The following DLEU7 variants were observed in gnomAD, a reference collection of about 807,000 sequenced individuals.
The protein encoded by DLEU7 is deleted in lymphocytic leukemia 7, also known as leukemia-associated protein 7.
DLEU7 carries 17 observed loss-of-function variants against 16.0 expected under a neutral mutation model. The observed-to-expected ratio is 1.06, with a 90% CI of 0.73 to 1.59. DLEU7 has a LOEUF of 1.59. Among genes scored for constraint, DLEU7 ranks in the 40% most tolerant of loss-of-function variants. The pLI is 0.00. For synonymous variants in DLEU7, 113 were observed against 139.8 expected (o/e 0.81, Z 1.35); for missense variants, 308 against 314.9 (o/e 0.98, Z 0.17).
chr13:50,792,600 T>C (rs955651102), intron 1 of DLEU7, among the ~76,000 whole-genome samples: 3 of 150,730 alleles, frequency 2.0e-5, no homozygotes, highest in African/African-American at 7.3e-5. Flanking sequence ...TTCACTTCTC[T>C]ATTCACTTCC....
At chr13:50,715,330 T>C (rs1210392950) in intron 1 of DLEU7, 1 of 152,266 alleles carries the variant, frequency 6.6e-6, no homozygotes, top group Admixed American at 6.5e-5. Context: ...AAAGTCCCTG[T>C]TGCCGTGTAA....
chr13:50,823,562 A>G lies in DLEU7; in HGVS notation c.460-42T>C, dbSNP rs757543266. 14 of 1,529,076 alleles carry G rather than the reference A, an allele frequency of 9.2e-6. No individual in the cohort carries two copies. The African/African-American group carries it at 1.8e-4, about 19-fold the overall frequency. 94.7% of individuals were successfully genotyped at this position (1,529,076 alleles called of 1,614,324 possible). On this transcript the variant is annotated intron_variant, in intron 1 of 1. Transcript: ENST00000504404. ...ACACAAACAAGAAATTAGATAGGTTATGGGGGCCAATTGTTGTACTTTGCT... is the reference window on the plus strand; with the variant it reads ...ACACAAACAAGAAATTAGATAGGTTGTGGGGGCCAATTGTTGTACTTTGCT...
rs576709508 is a variant in DLEU7, at chr13:50,752,852, C to T, written c.460-39612G>A. Among the ~76,000 whole-genome samples, 128 of 152,114 alleles carry T rather than the reference C, an allele frequency of 8.4e-4. 2 individuals carry two copies. In the Middle Eastern group the frequency reaches 0.017, roughly 20 times the overall value. Reference sequence around the variant, plus strand: ...TCCACAGTGTGGAAGGGGACCCAAGCGGGTTGCCACTGCTGGCTCAGGCAG... The same window carrying T: ...TCCACAGTGTGGAAGGGGACCCAAGTGGGTTGCCACTGCTGGCTCAGGCAG... On this transcript the variant is annotated intron_variant, in intron 1 of 1. Transcript: ENST00000400393.
intron 1 of DLEU7, among the ~76,000 whole-genome samples, chr13:50,722,418 C>G (rs1265463652): frequency 1.3e-5 from 2 of 152,184 alleles, no homozygotes; most frequent in African/African-American, 4.8e-5. Flanking sequence ...AACAAATCCT[C>G]AAGTCAATAA....
intron 1 of DLEU7, among the ~76,000 whole-genome samples, chr13:50,756,315 G>A (rs1874756617): frequency 6.6e-6 from 1 of 152,174 alleles, no homozygotes; most frequent in Admixed American, 6.5e-5. Flanking sequence ...CTGCCAGAGT[G>A]AATAGGGAAG....
chr13:50,769,012 G>C (rs1875208084), intron 1 of DLEU7, among the ~76,000 whole-genome samples: 1 of 152,178 alleles, frequency 6.6e-6, no homozygotes, highest in Admixed American at 6.5e-5. Flanking sequence ...CTGTGGTTTT[G>C]ATTTGCATTT....
At chr13:50,747,506 GCT>G (rs1874437149) in intron 1 of DLEU7, among the ~76,000 whole-genome samples, 1 of 152,000 alleles carries the variant, frequency 6.6e-6, no homozygotes, top group South Asian at 2.1e-4. Context: ...CTGTGCAGAT[GCT>G]CTCTCTCCCT....
At chr13:50,808,262 T>C (rs1184315460) in intron 1 of DLEU7, among the ~76,000 whole-genome samples, 1 of 152,144 alleles carries the variant, frequency 6.6e-6, no homozygotes, top group Non-Finnish European at 1.5e-5. Context: ...CAATATCAAG[T>C]CTGGCATATC....
chr13:50,719,603 A>G (rs1033744565), intron 1 of DLEU7: 2 of 149,674 alleles, frequency 1.3e-5, no homozygotes, highest in African/African-American at 4.8e-5. Flanking sequence ...CCCACCTTGA[A>G]CAGACGGGAA....
chr13:50,735,486 T>G (rs910603843), intron 1 of DLEU7, among the ~76,000 whole-genome samples: 1 of 151,884 alleles, frequency 6.6e-6, no homozygotes, highest in Admixed American at 6.6e-5. Flanking sequence ...ATCAACAAGA[T>G]AGAAAACCCC....
chr13:50,842,123 T>C (rs1009752835), intron 1 of DLEU7, among the ~76,000 whole-genome samples: 2 of 151,928 alleles, frequency 1.3e-5, no homozygotes, highest in African/African-American at 2.4e-5. Context: ...AGTACAGAGA[T>C]TGAGAAACCC....
intron 1 of DLEU7, among the ~76,000 whole-genome samples, chr13:50,729,111 T>C (rs1200390964): frequency 6.6e-6 from 1 of 152,210 alleles, no homozygotes; most frequent in Non-Finnish European, 1.5e-5. Flanking sequence ...GTGTACAAAT[T>C]ATTTAATCAC....
chr13:50,843,521 G>A lies in DLEU7; in HGVS notation c.126C>T (p.Asp42=). 1 of 1,428,372 alleles carries A rather than the reference G, an allele frequency of 7.0e-7. No individual in the cohort carries two copies. The highest frequency in any genetic ancestry group is 1.5e-5 in the African/African-American group (1 of 65,982). The allele number at this position is 1,428,372 out of a possible 1,614,324, so 88.5% of individuals were successfully genotyped here. A position where few individuals can be genotyped will look rare whatever the true frequency, so the allele number is the denominator to read the frequency against. The change falls in exon 1 of 2, where the codon GAC becomes GAT. Residue 42 remains aspartate (D), a synonymous_variant. Transcript: ENST00000504404. This position sits in a 1 kb window ranked among gnomAD's most constrained non-coding sequence, Gnocchi z 5.7. ...CTGGAGCGGTGGACACGTGGTCTGG[G>A]TCCCGCGGGTTCCCGGGGGCGACTG... ...DGPVAPGNPR[D]PDHVSTAPAR... is the part of the protein sequence containing the mutation.
Position 50,784,920 on chromosome 13 carries a change from T to C in DLEU7, c.459+58268A>G, listed in dbSNP as rs190780886. 3.6e-3 allele frequency among the ~76,000 whole-genome samples: 552 copies of C among 152,320 alleles called. 8 individuals carry two copies. The highest frequency in any genetic ancestry group is 0.012 in the African/African-American group (519 of 41,574). ...TCTTCAGATGTGCAAATTAGTTTTTTCTTACTGAAGAGAGTCTGGGGACTT... is the reference window on the plus strand; with the variant it reads ...TCTTCAGATGTGCAAATTAGTTTTTCCTTACTGAAGAGAGTCTGGGGACTT... On this transcript the variant is annotated intron_variant, in intron 1 of 1. Transcript: ENST00000400393.
At chr13:50,823,630 GTT>G (rs1203108325) in intron 1 of DLEU7, 110 bp from the exon 2 acceptor site, 24 of 1,061,822 alleles carry the variant, frequency 2.3e-5, no homozygotes, top group Non-Finnish European at 2.9e-5. Flanking sequence ...CAGCACTCTG[GTT>G]TTTTTTTTTC....
At chr13:50,818,005 T>C (rs560406993), downstream of DLEU7, among the ~76,000 whole-genome samples, 47 of 152,144 alleles carry the variant, frequency 3.1e-4, no homozygotes, top group Non-Finnish European at 4.7e-4. Flanking sequence ...AGAAAATGTG[T>C]TTCCACCATC....
At chr13:50,747,355 T>TGC (rs1489590966) in intron 1 of DLEU7, among the ~76,000 whole-genome samples, 1 of 99,646 alleles carries the variant, frequency 1.0e-5, no homozygotes, top group Non-Finnish European at 1.9e-5. Flanking sequence ...TGTGTGTGTG[T>TGC]GTGTGTGTGT....
intron 1 of DLEU7, among the ~76,000 whole-genome samples, chr13:50,795,349 C>T (rs1466114870): frequency 6.6e-6 from 1 of 152,114 alleles, no homozygotes; most frequent in Non-Finnish European, 1.5e-5. Flanking sequence ...TGTCCATGCA[C>T]GTCTCCAGAG....
At chr13:50,769,218 T>G (rs1875220985) in intron 1 of DLEU7, among the ~76,000 whole-genome samples, 1 of 152,206 alleles carries the variant, frequency 6.6e-6, no homozygotes, top group Non-Finnish European at 1.5e-5. Flanking sequence ...TTGCAAAAAT[T>G]TTCTCCCATT....
Sources: gnomAD v4.1 joint callset for allele counts (sites outside exome capture counted in the v4.1 genomes callset) on GRCh38, gnomAD v4.1.1 for gene constraint, Gnocchi (gnomAD v3.1) non-coding constraint, MANE v1.5 for transcripts, NCBI Gene and HGNC (gene_info 2026-07-23, HGNC 2026-07-21) for gene names.